The following ST18 variants were observed in gnomAD, a reference collection of about 807,000 sequenced individuals.
The protein encoded by ST18 is suppression of tumorigenicity 18 protein.
In ST18, 50 loss-of-function variants were observed where a neutral mutation model predicts 110.0. That is an observed-to-expected ratio of 0.45 (90% CI 0.36 to 0.58). ST18 has a LOEUF of 0.58. ST18 is among the 20% of genes least tolerant of loss of function. The pLI, the probability that ST18 is intolerant of heterozygous loss-of-function variation, is 0.00. For synonymous variants in ST18, 461 were observed against 452.4 expected, an observed-to-expected ratio of 1.02 and a Z score of -0.24; for missense variants, 1,306 against 1,280.1, an observed-to-expected ratio of 1.02 and a Z score of -0.31.
intron 2 of ST18, among the ~76,000 whole-genome samples, chr8:52,257,023 A>G (rs905740392): frequency 2.0e-5 from 3 of 152,102 alleles, no homozygotes; most frequent in East Asian, 1.9e-4. Context: ...AAATTTGCCA[A>G]TTTTGGACAT....
intron 2 of ST18, among the ~76,000 whole-genome samples, chr8:52,271,306 C>T (rs1298794217): frequency 6.6e-6 from 1 of 152,160 alleles, no homozygotes; most frequent in Non-Finnish European, 1.5e-5. Flanking sequence ...TACAGTGGTA[C>T]CAATGCACAC....
chr8:52,243,020 T>C (rs1237173716), intron 2 of ST18, among the ~76,000 whole-genome samples: 2 of 152,184 alleles, frequency 1.3e-5, no homozygotes, highest in Non-Finnish European at 2.9e-5. Flanking sequence ...TATCTATGTT[T>C]ATGCTCACAG....
At chr8:52,198,523 C>T (rs1388512495) in intron 8 of ST18, among the ~76,000 whole-genome samples, 1 of 152,174 alleles carries the variant, frequency 6.6e-6, no homozygotes, top group Non-Finnish European at 1.5e-5. Context: ...TGGAACATTG[C>T]ATGAATCATT....
At chr8:52,138,684 G>A (rs577301461) in intron 17 of ST18, among the ~76,000 whole-genome samples, 4 of 152,296 alleles carry the variant, frequency 2.6e-5, no homozygotes, top group African/African-American at 9.6e-5. Context: ...AGTTTCCTCT[G>A]ATGGTGTTTG....
At chr8:52,114,630 C>T (rs1182267011) in intron 25 of ST18, among the ~76,000 whole-genome samples, 1 of 152,178 alleles carries the variant, frequency 6.6e-6, no homozygotes, top group Non-Finnish European at 1.5e-5. Flanking sequence ...CCTTCTCTTT[C>T]CTGCCTTTGT....
chr8:52,350,926 T>C (rs1350329364), intron 2 of ST18, among the ~76,000 whole-genome samples: 1 of 152,004 alleles, frequency 6.6e-6, no homozygotes, highest in Non-Finnish European at 1.5e-5. Flanking sequence ...TTCACTGTGT[T>C]AGTCAGGATG....
At chr8:52,266,942 C>T (rs2094890874) in intron 2 of ST18, among the ~76,000 whole-genome samples, 1 of 152,116 alleles carries the variant, frequency 6.6e-6, no homozygotes, top group African/African-American at 2.4e-5. Context: ...AGGTGCAGAG[C>T]TGAGGGATCT....
intron 8 of ST18, among the ~76,000 whole-genome samples, chr8:52,190,564 T>C (rs1030198246): frequency 4.6e-5 from 7 of 152,198 alleles, no homozygotes; most frequent in African/African-American, 1.7e-4. Flanking sequence ...CTCAAATGCA[T>C]GTTTTGCAGT....
At chr8:52,355,996 A>G (rs1330345845) in intron 2 of ST18, among the ~76,000 whole-genome samples, 3 of 152,212 alleles carry the variant, frequency 2.0e-5, no homozygotes, top group Non-Finnish European at 4.4e-5. Flanking sequence ...AGCAACACTC[A>G]GGCTGAAAAG....
At chr8:52,283,258 C>T (rs1156836787) in intron 2 of ST18, among the ~76,000 whole-genome samples, 3 of 152,198 alleles carry the variant, frequency 2.0e-5, no homozygotes, top group African/African-American at 7.2e-5. Context: ...TCGTGCCTAA[C>T]CCGCCATGAT....
rs1319675095 is a variant in ST18 at position 52,286,853 on chromosome 8, C to T, written c.-464-56776G>A. On this transcript the variant is annotated intron_variant, in intron 2 of 25. Transcript: ENST00000689386. The stretch of plus-strand genomic sequence containing the variant: ...CTTGTTAGAAACACAGATTCTTAAA[C>T]CGCACCCCAGACTTCCTGAATCAGA... 2.6e-5 allele frequency among the ~76,000 whole-genome samples: 4 copies of T among 151,704 alleles called. No homozygotes were observed. In the South Asian group the frequency reaches 6.3e-4, roughly 24 times the overall value.
intron 24 of ST18, among the ~76,000 whole-genome samples, chr8:52,116,751 G>T (rs1334252174): frequency 2.6e-5 from 4 of 152,128 alleles, no homozygotes; most frequent in African/African-American, 9.7e-5. Flanking sequence ...TTTCCAGTCA[G>T]CAGCAACTCA....
Position 52,118,412 on chromosome 8 carries a change from A to C in ST18, c.2785T>G (p.Leu929Val), listed in dbSNP as rs371067974. The change falls in exon 24 of 26, where the codon TTG (leucine) becomes GTG (valine). Residue 929 changes from leucine (L) to valine (V), a missense_variant. Physicochemically the swap from Leu to Val is conservative, Grantham distance 32. Transcript: ENST00000689386. ...TTCAGTTCCTTTATTTCTTCATCCA[A>C]ATGCCTAATTTCTTCATCACTCTCT... The part of the protein sequence containing the change: ...GIESDEEIRH[L>V]DEEIKELNES... 6.2e-7 allele frequency: 1 copy of C among 1,611,224 alleles called. No individual in the cohort carries two copies. The highest frequency in any genetic ancestry group is 1.3e-5 in the African/African-American group (1 of 74,822).
At chr8:52,115,816 G>C (rs2042330503) in intron 25 of ST18, among the ~76,000 whole-genome samples, 1 of 151,998 alleles carries the variant, frequency 6.6e-6, no homozygotes, top group African/African-American at 2.4e-5. Flanking sequence ...TTTATATGAG[G>C]AGAACTGAAG....
intron 2 of ST18, among the ~76,000 whole-genome samples, chr8:52,364,801 A>G (rs765405119): frequency 3.3e-5 from 5 of 152,112 alleles, no homozygotes; most frequent in Non-Finnish European, 7.3e-5. Flanking sequence ...CTTCAAGTGT[A>G]ATTTACTCCT....
At chr8:52,156,590 A>T (rs2060075270) in intron 15 of ST18, among the ~76,000 whole-genome samples, 1 of 152,238 alleles carries the variant, frequency 6.6e-6, no homozygotes, top group Non-Finnish European at 1.5e-5. Context: ...GCTCAGTTTC[A>T]GGGTGAATTA....
intron 15 of ST18, among the ~76,000 whole-genome samples, chr8:52,156,741 G>A (rs569138317): frequency 1.2e-4 from 18 of 152,186 alleles, no homozygotes; most frequent in Non-Finnish European, 2.4e-4. Context: ...ATGTGTGCAC[G>A]TGCGTGTGTG....
intron 17 of ST18, among the ~76,000 whole-genome samples, chr8:52,139,153 A>G (rs1175111158): frequency 6.6e-6 from 1 of 152,166 alleles, no homozygotes; most frequent in Non-Finnish European, 1.5e-5. Context: ...AAAACCAGTT[A>G]TTAACATTTC....
intron 2 of ST18, among the ~76,000 whole-genome samples, chr8:52,286,359 A>G (rs540560762): frequency 6.6e-6 from 1 of 152,312 alleles, no homozygotes; most frequent in Admixed American, 6.5e-5. Flanking sequence ...GATGAACTGC[A>G]TTGTCTAAAG....
Sources: gnomAD v4.1 joint callset for allele counts (sites outside exome capture counted in the v4.1 genomes callset) on GRCh38, gnomAD v4.1.1 for gene constraint, MANE v1.5 for transcripts, NCBI Gene and HGNC (gene_info 2026-07-23, HGNC 2026-07-21) for gene names.